The following DAPK1 variants were observed in gnomAD, a reference collection of about 807,000 sequenced individuals.
DAPK1 encodes the protein death-associated protein kinase 1.
A neutral mutation model predicts 144.9 loss-of-function variants in DAPK1; 56 were observed. The ratio of observed to expected loss-of-function variants is 0.39; its 90% CI spans 0.31 to 0.48. The LOEUF (loss-of-function observed/expected upper bound fraction) is 0.48. DAPK1 is among the 20% of genes least tolerant of loss of function. The pLI is 0.95. For missense variants in DAPK1, 1,454 were observed against 1,875.4 expected, an observed-to-expected ratio of 0.78 and a Z score of 4.15; for synonymous variants, 690 against 749.0, an observed-to-expected ratio of 0.92 and a Z score of 1.29.
intron 3 of DAPK1, among the ~76,000 whole-genome samples, chr9:87,625,815 C>T (rs1053518735): frequency 2.0e-5 from 3 of 152,128 alleles, no homozygotes; most frequent in African/African-American, 7.2e-5. Flanking sequence ...TTAAAACATC[C>T]GTTTAACAAA....
intron 13 of DAPK1, among the ~76,000 whole-genome samples, chr9:87,647,050 C>CA (rs141590692): frequency 0.021 from 3,125 of 152,002 alleles, 108 homozygotes; most frequent in African/African-American, 0.07. Flanking sequence ...TTTTGATTTA[C>CA]AAAAAAAAGT....
intron 11 of DAPK1, among the ~76,000 whole-genome samples, chr9:87,643,918 G>A (rs1244896479): frequency 6.6e-6 from 1 of 152,082 alleles, no homozygotes; most frequent in Non-Finnish European, 1.5e-5. Context: ...GCACAGAAGG[G>A]GCAGACAGCC....
intron 2 of DAPK1, among the ~76,000 whole-genome samples, chr9:87,537,823 G>A (rs1377068135): frequency 6.6e-6 from 1 of 152,124 alleles, no homozygotes; most frequent in East Asian, 1.9e-4. Context: ...TGGGCAGGAA[G>A]GAGTATCCTC....
chr9:87,653,719 G>C (rs1369360142), intron 17 of DAPK1, among the ~76,000 whole-genome samples: 1 of 151,310 alleles, frequency 6.6e-6, no homozygotes, highest in African/African-American at 2.4e-5. Flanking sequence ...TTGAGACAGA[G>C]TCTCACTCTT....
At chr9:87,515,907 C>G (rs1195224093) in intron 2 of DAPK1, among the ~76,000 whole-genome samples, 3 of 152,134 alleles carry the variant, frequency 2.0e-5, no homozygotes, top group Admixed American at 1.3e-4. Context: ...GCAGGTCGGT[C>G]TTACCAGCCT....
At chr9:87,500,738 A>C (rs1824360100) in intron 2 of DAPK1, among the ~76,000 whole-genome samples, 2 of 151,308 alleles carry the variant, frequency 1.3e-5, no homozygotes, top group Non-Finnish European at 2.9e-5. Flanking sequence ...GAGGGGAGGG[A>C]GGTGGCTTAC....
At chr9:87,630,957 C>G (rs1829665675) in intron 3 of DAPK1, among the ~76,000 whole-genome samples, 1 of 152,184 alleles carries the variant, frequency 6.6e-6, no homozygotes, top group South Asian at 2.1e-4. Flanking sequence ...ACTCAACCCT[C>G]TCATTGTACA....
intron 18 of DAPK1, among the ~76,000 whole-genome samples, chr9:87,661,199 G>C (rs750784662): frequency 2.6e-5 from 4 of 152,186 alleles, no homozygotes; most frequent in Non-Finnish European, 4.4e-5. Flanking sequence ...CAATTTTTAA[G>C]TCCAGTCCTC....
chr9:87,702,788 G>C (rs1481889637), intron 24 of DAPK1, among the ~76,000 whole-genome samples: 1 of 152,080 alleles, frequency 6.6e-6, no homozygotes, highest in African/African-American at 2.4e-5. Context: ...ACTTGTAGTC[G>C]GAGCTACTCA....
At chr9:87,660,423 A>G (rs529127659) in intron 18 of DAPK1, among the ~76,000 whole-genome samples, 1 of 152,336 alleles carries the variant, frequency 6.6e-6, no homozygotes, top group African/African-American at 2.4e-5. Context: ...AATGAATTTC[A>G]ATAATATATT....
chr9:87,558,823 G>A (rs1383786030), intron 2 of DAPK1, among the ~76,000 whole-genome samples: 1 of 152,230 alleles, frequency 6.6e-6, no homozygotes, highest in African/African-American at 2.4e-5. Context: ...CAGAAAGCAT[G>A]ATTCCCATGC....
intron 2 of DAPK1, among the ~76,000 whole-genome samples, chr9:87,536,080 T>G (rs1825852836): frequency 6.6e-6 from 1 of 152,210 alleles, no homozygotes. Context: ...TTTATGTTCT[T>G]TCTTGTTTTC....
chr9:87,661,923 C>T (rs543937390), intron 18 of DAPK1, among the ~76,000 whole-genome samples: 1 of 152,278 alleles, frequency 6.6e-6, no homozygotes, highest in East Asian at 1.9e-4. Flanking sequence ...AAAGTTTTCC[C>T]TGAGTTTTCC....
In DAPK1 at chr9:87,686,510, T is replaced by C; in HGVS notation, c.2225-41T>C. The C allele has an allele frequency of 8.6e-7, 1 of 1,166,538 alleles. No individual in the cohort carries two copies. Among genetic ancestry groups the C allele is most frequent in the South Asian group, 1.3e-5 (1 of 75,506 alleles). 72.3% of individuals were successfully genotyped at this position (1,166,538 alleles called of 1,614,324 possible). ...GCCTGGGAGGGAGACAGGCACACGCTGCCCCCATCGAGTACTCATGTGATC... is the reference window on the plus strand; with the variant it reads ...GCCTGGGAGGGAGACAGGCACACGCCGCCCCCATCGAGTACTCATGTGATC... On this transcript the variant is annotated intron_variant, in intron 20 of 25. Coordinates refer to ENST00000408954, the MANE Select transcript of DAPK1 (RefSeq NM_004938.4). The surrounding 1 kb of genome is among the most constrained non-coding windows in gnomAD (Gnocchi z 4.2).
intron 2 of DAPK1, among the ~76,000 whole-genome samples, chr9:87,587,920 A>T (rs1827994408): frequency 6.6e-6 from 1 of 152,284 alleles, no homozygotes; most frequent in Non-Finnish European, 1.5e-5. Context: ...TATATACAAT[A>T]ATAGTAATCA....
intron 18 of DAPK1, among the ~76,000 whole-genome samples, chr9:87,663,780 G>T (rs1830951854): frequency 6.6e-6 from 1 of 151,964 alleles, no homozygotes; most frequent in Admixed American, 6.6e-5. Flanking sequence ...CCCACACCAG[G>T]GTCCCTCCCT....
chr9:87,542,626 G>A (rs768445615), intron 2 of DAPK1, among the ~76,000 whole-genome samples: 1 of 152,126 alleles, frequency 6.6e-6, no homozygotes, highest in Non-Finnish European at 1.5e-5. Flanking sequence ...AGTGACTTCC[G>A]GAAGGCTCAC....
chr9:87,660,404 G>A (rs1439144652), intron 18 of DAPK1, among the ~76,000 whole-genome samples: 7 of 152,134 alleles, frequency 4.6e-5, no homozygotes, highest in African/African-American at 1.7e-4. Flanking sequence ...GAAGGAAAAA[G>A]AAACAGGAAA....
Position 87,635,022 on chromosome 9 carries a change from T to C in DAPK1, c.285-2921T>C, listed in dbSNP as rs1829840917. On this transcript the variant is annotated intron_variant, in intron 3 of 25. Transcript: ENST00000408954. ...AGCTATGATGTTACCCTTTATTTTA[T>C]AGAAGGGGAGTCAGAGGCTCAGCAA... Among the ~76,000 whole-genome samples the C allele has an allele frequency of 3.3e-5, 5 of 152,210 alleles. No individual in the cohort carries two copies. The South Asian group carries it at 1.0e-3, about 32-fold the overall frequency.
Sources: gnomAD v4.1 joint callset for allele counts (sites outside exome capture counted in the v4.1 genomes callset) on GRCh38, gnomAD v4.1.1 for gene constraint, Gnocchi (gnomAD v3.1) non-coding constraint, MANE v1.5 for transcripts, NCBI Gene and HGNC (gene_info 2026-07-23, HGNC 2026-07-21) for gene names.